AGPAT3: variants seen among roughly 807,000 people sequenced by gnomAD.
AGPAT3 encodes 1-acylglycerol-3-phosphate O-acyltransferase 3.
Under a neutral mutation model 47.3 loss-of-function variants are expected in AGPAT3, and 5 were observed. The observed-to-expected ratio is 0.11, with a 90% CI of 0.06 to 0.22. The LOEUF (loss-of-function observed/expected upper bound fraction) is 0.22. Ranked by LOEUF, AGPAT3 falls within the 10% of genes least tolerant of loss-of-function variation. The pLI is 1.00. For missense variants in AGPAT3, 315 were observed against 493.0 expected, an observed-to-expected ratio of 0.64 and a Z score of 3.42; for synonymous variants, 212 against 208.3, an observed-to-expected ratio of 1.02 and a Z score of -0.15.
intron 2 of AGPAT3, among the ~76,000 whole-genome samples, chr21:43,907,523 C>T (rs2086529317): frequency 1.3e-5 from 2 of 152,258 alleles, no homozygotes; most frequent in Admixed American, 1.3e-4. Flanking sequence ...CGAGACCATC[C>T]TGGCTAACAC....
chr21:43,975,948 C>T (rs966895054), intron 7 of AGPAT3, among the ~76,000 whole-genome samples: 1 of 149,608 alleles, frequency 6.7e-6, no homozygotes, highest in African/African-American at 2.5e-5. Flanking sequence ...CTTACGGAAG[C>T]GACTTGTGGG....
In AGPAT3 at chr21:43,922,551, C is replaced by A. The variant is rs534056510; in HGVS notation, c.-49+18532C>A. Among the ~76,000 whole-genome samples the A allele has an allele frequency of 2.0e-5, 3 of 152,304 alleles. No individual in the cohort carries two copies. Among genetic ancestry groups the A allele is most frequent in the African/African-American group, 7.2e-5 (3 of 41,578 alleles). The stretch of plus-strand genomic sequence containing the variant: ...TGTCCCTGTGTCCCTGGAAGAGAGG[C>A]CTGCATGGCAGGGGGCACAGAGACT... On this transcript the variant is annotated intron_variant, in intron 2 of 9. Coordinates refer to ENST00000291572, the MANE Select transcript of AGPAT3 (RefSeq NM_020132.5). This position sits in a 1 kb window ranked among gnomAD's most constrained non-coding sequence, Gnocchi z 4.9.
chr21:43,907,806 G>A (rs1036105811), intron 2 of AGPAT3, among the ~76,000 whole-genome samples: 4 of 152,164 alleles, frequency 2.6e-5, no homozygotes, highest in Non-Finnish European at 5.9e-5. Context: ...TGAAAAATAC[G>A]GGCTTCTACA....
intron 2 of AGPAT3, among the ~76,000 whole-genome samples, chr21:43,919,557 A>G (rs894685173): frequency 6.6e-6 from 1 of 152,128 alleles, no homozygotes; most frequent in African/African-American, 2.4e-5. Context: ...TGGATGCTTT[A>G]GGTTGGTTCT....
intron 1 of AGPAT3, among the ~76,000 whole-genome samples, chr21:43,868,567 A>T (rs1317333595): frequency 1.3e-5 from 2 of 152,212 alleles, no homozygotes; most frequent in African/African-American, 4.8e-5. Flanking sequence ...AACAATAATG[A>T]TGAATTATAA....
Position 43,983,521 on chromosome 21 carries a change from C to T in AGPAT3, c.*1129C>T, listed in dbSNP as rs1183231977. 6.6e-6 allele frequency: 1 copy of T among 152,332 alleles called. No homozygotes were observed. The highest frequency in any genetic ancestry group is 2.4e-5 in the African/African-American group (1 of 41,468). 9.4% of individuals were successfully genotyped at this position (152,332 alleles called of 1,614,324 possible). ...CCGGTGTCACTGTGGCCCGGCCACC[C>T]CTGAGCGCCCAGCTCCCTACCTCCT... On this transcript the variant is annotated 3_prime_UTR_variant, in exon 10 of 10. Transcript: ENST00000291572.
intron 2 of AGPAT3, among the ~76,000 whole-genome samples, chr21:43,940,264 C>T (rs2146359626): frequency 6.6e-6 from 1 of 152,384 alleles, no homozygotes; most frequent in East Asian, 1.9e-4. Flanking sequence ...GAGCAGCTAC[C>T]CGGCCTGCCT....
intron 2 of AGPAT3, among the ~76,000 whole-genome samples, chr21:43,938,117 G>GACACACAC (rs60019728): frequency 3.4e-4 from 50 of 147,482 alleles, no homozygotes; most frequent in African/African-American, 1.2e-3. Context: ...CACACACACA[G>GACACACAC]ACACACACAC....
chr21:43,942,686 G>A (rs2087701168), intron 2 of AGPAT3, among the ~76,000 whole-genome samples: 1 of 152,240 alleles, frequency 6.6e-6, no homozygotes, highest in Non-Finnish European at 1.5e-5. Context: ...ACAGGTGGCA[G>A]CTGGGTGCCT....
Position 43,930,159 on chromosome 21 carries a change from C to T in AGPAT3, c.-49+26140C>T, listed in dbSNP as rs537960147. Among the ~76,000 whole-genome samples the T allele has an allele frequency of 8.9e-4, 135 of 152,344 alleles. 1 individual carries two copies. Among genetic ancestry groups the T allele is most frequent in the African/African-American group, 3.0e-3 (126 of 41,570 alleles). The stretch of plus-strand genomic sequence containing the variant: ...AATAGAGTTATCAACCGTCACTCCA[C>T]GGAGAGTCTAAGGCAGAGAGAAGTT... On this transcript the variant is annotated intron_variant, in intron 2 of 9. Transcript: ENST00000291572. This position sits in a 1 kb window ranked among gnomAD's most constrained non-coding sequence, Gnocchi z 5.0.
At chr21:43,978,975 C>T (rs1242136219) in intron 8 of AGPAT3, among the ~76,000 whole-genome samples, 2 of 152,120 alleles carry the variant, frequency 1.3e-5, no homozygotes, top group East Asian at 1.9e-4. Context: ...AAAATATCAT[C>T]GTAAATGCAT....
chr21:43,907,025 C>CT (rs1216148802), intron 2 of AGPAT3, among the ~76,000 whole-genome samples: 6 of 143,050 alleles, frequency 4.2e-5, no homozygotes, highest in African/African-American at 1.0e-4. Context: ...TGTTTCTTTT[C>CT]TTTCTTTTTT....
chr21:43,947,801 A>T (rs578236555), intron 2 of AGPAT3, among the ~76,000 whole-genome samples: 289 of 150,070 alleles, frequency 1.9e-3, no homozygotes, highest in African/African-American at 6.6e-3. Context: ...CTGCCACCAC[A>T]CCCGGCTAAT....
At chr21:43,889,164 C>T (rs539680032) in intron 1 of AGPAT3, among the ~76,000 whole-genome samples, 4 of 152,018 alleles carry the variant, frequency 2.6e-5, no homozygotes, top group Admixed American at 6.5e-5. Flanking sequence ...CTTTTCTTGT[C>T]GTCCTGTGCT....
chr21:43,866,619 G>A (rs1436988176), intron 1 of AGPAT3: 1 of 152,002 alleles, frequency 6.6e-6, no homozygotes, highest in Admixed American at 6.6e-5. Context: ...CACAGAGTTC[G>A]GCGTTAGCCT....
At chr21:43,886,833 T>C (rs566900005) in intron 1 of AGPAT3, among the ~76,000 whole-genome samples, 1 of 152,346 alleles carries the variant, frequency 6.6e-6, no homozygotes, top group East Asian at 1.9e-4. Context: ...ACATTTTCTT[T>C]ATCCATCCGT....
chr21:43,903,214 G>A (rs997725584), intron 1 of AGPAT3, among the ~76,000 whole-genome samples: 9 of 152,170 alleles, frequency 5.9e-5, no homozygotes, highest in Non-Finnish European at 1.2e-4. Flanking sequence ...TGGTTAACTC[G>A]TAGAGATAGA....
intron 2 of AGPAT3, among the ~76,000 whole-genome samples, chr21:43,904,315 G>T (rs546103079): frequency 2.0e-5 from 3 of 152,166 alleles, no homozygotes; most frequent in African/African-American, 7.2e-5. Context: ...TACAAATGAC[G>T]CTGGGCTGAG....
At chr21:43,921,797 T>C (rs1187146442) in intron 2 of AGPAT3, among the ~76,000 whole-genome samples, 1 of 152,100 alleles carries the variant, frequency 6.6e-6, no homozygotes, top group Non-Finnish European at 1.5e-5. Context: ...GAGCTCTTTT[T>C]TTTTTCCCCC....
Sources: gnomAD v4.1 joint callset for allele counts (sites outside exome capture counted in the v4.1 genomes callset) on GRCh38, gnomAD v4.1.1 for gene constraint, Gnocchi (gnomAD v3.1) non-coding constraint, MANE v1.5 for transcripts, NCBI Gene and HGNC (gene_info 2026-07-23, HGNC 2026-07-21) for gene names.